GABRB1: variants seen among roughly 807,000 people sequenced by gnomAD.
GABRB1 encodes gamma-aminobutyric acid type A receptor subunit beta1, also known as gamma-aminobutyric acid receptor subunit beta-1.
A neutral mutation model predicts 51.6 loss-of-function variants in GABRB1; 17 were observed. The observed-to-expected ratio is 0.33, with a 90% CI of 0.23 to 0.49. The LOEUF is 0.49. GABRB1 is among the 20% of genes least tolerant of loss of function. The pLI, the probability that GABRB1 is intolerant of heterozygous loss-of-function variation, is 0.99. For missense variants in GABRB1, 410 were observed against 600.6 expected (o/e 0.68, Z 3.32); for synonymous variants, 247 against 218.9 (o/e 1.13, Z -1.14).
chr4:47,210,519 C>A (rs1332112748), intron 4 of GABRB1, among the ~76,000 whole-genome samples: 1 of 151,980 alleles, frequency 6.6e-6, no homozygotes, highest in Non-Finnish European at 1.5e-5. Context: ...GTGGCATTTC[C>A]CCTGCATTAT....
intron 3 of GABRB1, among the ~76,000 whole-genome samples, chr4:47,057,412 CA>C (rs1437047608): frequency 1.3e-5 from 2 of 152,040 alleles, no homozygotes; most frequent in African/African-American, 4.8e-5. Flanking sequence ...AAGTTAGATG[CA>C]AAACAAAGAA....
chr4:47,360,290 A>C (rs1430648398), intron 5 of GABRB1, among the ~76,000 whole-genome samples: 2 of 151,964 alleles, frequency 1.3e-5, no homozygotes, highest in African/African-American at 2.4e-5. Context: ...AGGATTGAAA[A>C]CCTAAGAAAT....
chr4:47,241,672 C>T (rs1721526523), intron 4 of GABRB1, among the ~76,000 whole-genome samples: 1 of 152,148 alleles, frequency 6.6e-6, no homozygotes, highest in Non-Finnish European at 1.5e-5. Context: ...TCAGGGATTC[C>T]TGAACCTTAC....
chr4:47,321,796 T>C (rs1725095952), intron 5 of GABRB1, among the ~76,000 whole-genome samples: 1 of 152,232 alleles, frequency 6.6e-6, no homozygotes, highest in African/African-American at 2.4e-5. Context: ...CCTTGGCTTC[T>C]GCTGGAGAAT....
At chr4:47,418,706 G>A (rs1334869194) in intron 8 of GABRB1, among the ~76,000 whole-genome samples, 2 of 152,108 alleles carry the variant, frequency 1.3e-5, no homozygotes, top group East Asian at 1.9e-4. Flanking sequence ...TCGGGGAAAC[G>A]GTTGTGAATA....
At chr4:47,215,432 G>T (rs1178850839) in intron 4 of GABRB1, among the ~76,000 whole-genome samples, 1 of 151,968 alleles carries the variant, frequency 6.6e-6, no homozygotes, top group East Asian at 1.9e-4. Context: ...TCAATTCTGT[G>T]TTTAAAGCGT....
intron 4 of GABRB1, among the ~76,000 whole-genome samples, chr4:47,277,473 A>T (rs1316955988): frequency 6.6e-6 from 1 of 152,116 alleles, no homozygotes; most frequent in Non-Finnish European, 1.5e-5. Flanking sequence ...ACTATAGTCA[A>T]TAATAACTTA....
At chr4:47,278,198 T>C (rs1723154476) in intron 4 of GABRB1, among the ~76,000 whole-genome samples, 1 of 152,214 alleles carries the variant, frequency 6.6e-6, no homozygotes, top group African/African-American at 2.4e-5. Flanking sequence ...GCTCTCATAA[T>C]GTTAAGTGTT....
chr4:47,369,603 C>T (rs1727116369), intron 5 of GABRB1, among the ~76,000 whole-genome samples: 1 of 152,158 alleles, frequency 6.6e-6, no homozygotes, highest in Non-Finnish European at 1.5e-5. Flanking sequence ...TAATTCCAAA[C>T]TTGTTATTGC....
chr4:47,021,102 A>G (rs571579575), intron 1 of GABRB1, among the ~76,000 whole-genome samples: 3 of 152,144 alleles, frequency 2.0e-5, no homozygotes, highest in Non-Finnish European at 4.4e-5. Flanking sequence ...CTTTTCAACA[A>G]ACAAAACCCT....
chr4:47,145,225 C>T (rs943836382), intron 3 of GABRB1, among the ~76,000 whole-genome samples: 1 of 151,998 alleles, frequency 6.6e-6, no homozygotes, highest in African/African-American at 2.4e-5. Flanking sequence ...GAAAACCTTT[C>T]TTGTCAAAGA....
intron 4 of GABRB1, among the ~76,000 whole-genome samples, chr4:47,195,476 TAGATAGATA>T (rs1560580485): frequency 9.4e-4 from 87 of 92,550 alleles, no homozygotes; most frequent in Non-Finnish European, 1.5e-3. Flanking sequence ...GATAGATAGA[TAGATAGATA>T]GATAGATAGA....
At chr4:47,037,352 A>T (rs1725625331) in intron 3 of GABRB1, among the ~76,000 whole-genome samples, 1 of 152,172 alleles carries the variant, frequency 6.6e-6, no homozygotes, top group Admixed American at 6.5e-5. Flanking sequence ...ATAGGTGAGT[A>T]CCACTTAAAA....
intron 8 of GABRB1, among the ~76,000 whole-genome samples, chr4:47,416,592 C>A (rs866064635): frequency 2.0e-5 from 3 of 151,916 alleles, no homozygotes; most frequent in Admixed American, 6.6e-5. Flanking sequence ...GCTGGGACTA[C>A]AGGCGCCCGC....
intron 3 of GABRB1, among the ~76,000 whole-genome samples, chr4:47,078,329 G>T (rs149758165): frequency 2.6e-5 from 4 of 152,082 alleles, no homozygotes; most frequent in African/African-American, 7.2e-5. Context: ...TTTAACAGAT[G>T]CCTGACTAAG....
At chr4:47,267,523 G>A (rs537845996) in intron 4 of GABRB1, among the ~76,000 whole-genome samples, 9 of 152,240 alleles carry the variant, frequency 5.9e-5, no homozygotes, top group East Asian at 1.9e-4. Context: ...GGCCAGTTGC[G>A]GTGGCTCACG....
chr4:47,178,373 A>T (rs1476495106), intron 4 of GABRB1, among the ~76,000 whole-genome samples: 3 of 152,054 alleles, frequency 2.0e-5, no homozygotes, highest in Admixed American at 2.0e-4. Context: ...TCCTTATAGA[A>T]TCCTTTGCAT....
At chr4:47,039,814 A>G (rs1270873010) in intron 3 of GABRB1, among the ~76,000 whole-genome samples, 3 of 152,226 alleles carry the variant, frequency 2.0e-5, no homozygotes, top group Non-Finnish European at 4.4e-5. Context: ...TCCTATTGCG[A>G]AAACTTAAAA....
intron 5 of GABRB1, among the ~76,000 whole-genome samples, chr4:47,376,704 A>G (rs940615556): frequency 6.6e-6 from 1 of 152,176 alleles, no homozygotes; most frequent in Admixed American, 6.6e-5. Context: ...AGTTCTTGGG[A>G]GGAGTAGAGG....
Sources: allele counts gnomAD v4.1 joint callset (sites outside exome capture counted in the v4.1 genomes callset), GRCh38; gene constraint gnomAD v4.1.1; transcripts MANE v1.5; gene names NCBI Gene and HGNC (gene_info 2026-07-23, HGNC 2026-07-21).